Variants in CACNG2 observed in about 807,000 individuals in gnomAD.
CACNG2 encodes calcium voltage-gated channel auxiliary subunit gamma 2, also known as voltage-dependent calcium channel gamma-2 subunit.
Under a neutral mutation model 25.9 loss-of-function variants are expected in CACNG2, and 3 were observed. That is an observed-to-expected ratio of 0.12 (90% CI 0.05 to 0.30). The LOEUF (loss-of-function observed/expected upper bound fraction) is 0.30, where lower values mean the gene tolerates loss of function less well. CACNG2 is among the 10% of genes least tolerant of loss of function. CACNG2 has a pLI of 1.00. For missense variants in CACNG2, 341 were observed against 432.5 expected (o/e 0.79, Z 1.88); for synonymous variants, 167 against 173.3 (o/e 0.96, Z 0.29).
In CACNG2 at chr22:36,702,689, T is replaced by A; in HGVS notation, c.-113A>T. ...ATAAAAATAAAAATTATTCCACTAC[T>A]AATATAATGGATATATGTATGAATA... On this transcript the variant is annotated 5_prime_UTR_variant, in exon 1 of 4. Coordinates refer to ENST00000300105, the MANE Select transcript of CACNG2 (RefSeq NM_006078.5). 2.7e-6 allele frequency: 2 copies of A among 741,238 alleles called. No homozygotes were observed. Among genetic ancestry groups the A allele is most frequent in the Non-Finnish European group, 2.4e-6 (1 of 422,012 alleles). The allele number at this position is 741,238 out of a possible 1,614,324, so 45.9% of individuals were successfully genotyped here.
intron 1 of CACNG2, among the ~76,000 whole-genome samples, chr22:36,685,593 T>C (rs1010940256): frequency 1.3e-5 from 2 of 152,078 alleles, no homozygotes; most frequent in African/African-American, 4.8e-5. Context: ...CCGAGGCCCA[T>C]CGGGAAGCCC....
chr22:36,622,668 TA>T (rs1936123095), intron 1 of CACNG2, among the ~76,000 whole-genome samples: 1 of 152,076 alleles, frequency 6.6e-6, no homozygotes, highest in East Asian at 1.9e-4. Flanking sequence ...ACTTAAAACG[TA>T]AGACAAGGGC....
intron 1 of CACNG2, among the ~76,000 whole-genome samples, chr22:36,680,625 C>T (rs1349174631): frequency 1.8e-4 from 24 of 131,832 alleles, no homozygotes; most frequent in Admixed American, 4.6e-4. Flanking sequence ...ACCACCATCA[C>T]CACCACTAAC....
At chr22:36,593,006 T>C (rs973988337) in intron 1 of CACNG2, among the ~76,000 whole-genome samples, 1 of 152,164 alleles carries the variant, frequency 6.6e-6, no homozygotes, top group Admixed American at 6.5e-5. Context: ...GCCCCCATCC[T>C]TGGGGCGGGC....
At chr22:36,667,465 C>A (rs980326543) in intron 1 of CACNG2, among the ~76,000 whole-genome samples, 2 of 152,226 alleles carry the variant, frequency 1.3e-5, no homozygotes, top group Non-Finnish European at 2.9e-5. Flanking sequence ...GACCACCCCC[C>A]ACTCCAGGCC....
chr22:36,628,463 A>G (rs1196765700), intron 1 of CACNG2, among the ~76,000 whole-genome samples: 1 of 152,240 alleles, frequency 6.6e-6, no homozygotes, highest in African/African-American at 2.4e-5. Flanking sequence ...CGAGCAAGGG[A>G]AAGTTTCTCT....
rs1345229455 is a variant in CACNG2 at position 36,695,119 on chromosome 22, G to A, written c.211+7247C>T. ...TCTTCTCAGCTACTTCAAAGACTGGGGCGGGAGGATCACTCGAGCCCTCGA... is the reference window on the plus strand; with the variant it reads ...TCTTCTCAGCTACTTCAAAGACTGGAGCGGGAGGATCACTCGAGCCCTCGA... On this transcript the variant is annotated intron_variant, in intron 1 of 3. Coordinates refer to ENST00000300105, the MANE Select transcript of CACNG2 (RefSeq NM_006078.5). 2.0e-5 allele frequency among the ~76,000 whole-genome samples: 3 copies of A among 152,098 alleles called. No homozygotes were observed. In the East Asian group the frequency reaches 5.8e-4, roughly 29 times the overall value.
chr22:36,639,888 A>T (rs1398483523), intron 1 of CACNG2, among the ~76,000 whole-genome samples: 1 of 152,214 alleles, frequency 6.6e-6, no homozygotes, highest in East Asian at 1.9e-4. Flanking sequence ...TACCCTGGGC[A>T]GGAAGCCCCC....
chr22:36,574,794 AC>A (rs1935286930), intron 2 of CACNG2, among the ~76,000 whole-genome samples: 1 of 122,244 alleles, frequency 8.2e-6, no homozygotes, highest in African/African-American at 3.0e-5. Context: ...ACAAAACAAA[AC>A]AAAACCAAAA....
chr22:36,639,755 A>G (rs1224747074), intron 1 of CACNG2, among the ~76,000 whole-genome samples: 1 of 152,042 alleles, frequency 6.6e-6, no homozygotes, highest in East Asian at 1.9e-4. Flanking sequence ...TGACTGCTCA[A>G]CCCTTCTCTC....
intron 1 of CACNG2, among the ~76,000 whole-genome samples, chr22:36,700,015 C>T (rs1338508071): frequency 6.6e-6 from 1 of 152,244 alleles, no homozygotes; most frequent in Non-Finnish European, 1.5e-5. Flanking sequence ...GCCCTTCCTG[C>T]CCTGGCCATG....
At chr22:36,686,617 C>T (rs1011664146) in intron 1 of CACNG2, among the ~76,000 whole-genome samples, 3 of 152,210 alleles carry the variant, frequency 2.0e-5, no homozygotes, top group Non-Finnish European at 4.4e-5. Flanking sequence ...TGGAATGGCA[C>T]AGTGCCTTCC....
chr22:36,607,026 T>C (rs1005919539), intron 1 of CACNG2, among the ~76,000 whole-genome samples: 1 of 151,578 alleles, frequency 6.6e-6, no homozygotes, highest in African/African-American at 2.4e-5. Flanking sequence ...TGAGTGTATA[T>C]GTGTGAACTT....
rs770292909 is a variant in CACNG2 at position 36,606,150 on chromosome 22, C to G, written c.212-18602G>C. ...GTGGTTACTAGGTGTTGGTGTTGAG[C>G]TAGGTTCCACAGCAGAGAAGGGATC... On this transcript the variant is annotated intron_variant, in intron 1 of 3. Transcript: ENST00000300105. The surrounding 1 kb of genome is among the most constrained non-coding windows in gnomAD (Gnocchi z 5.7). Among the ~76,000 whole-genome samples, 1 of 152,202 alleles carries G rather than the reference C, an allele frequency of 6.6e-6. No homozygotes were observed. The highest frequency in any genetic ancestry group is 1.5e-5 in the Non-Finnish European group (1 of 68,042).
chr22:36,694,968 C>G (rs910317285), intron 1 of CACNG2, among the ~76,000 whole-genome samples: 1 of 152,168 alleles, frequency 6.6e-6, no homozygotes, highest in African/African-American at 2.4e-5. Context: ...GTACTCCCAG[C>G]ACTTTGGGAG....
intron 1 of CACNG2, among the ~76,000 whole-genome samples, chr22:36,679,197 C>CCTTCCTTCCTTCCTTT (rs1491420417): frequency 5.5e-4 from 30 of 54,810 alleles, no homozygotes; most frequent in African/African-American, 6.9e-4. Flanking sequence ...TTCCTTCCTT[C>CCTTCCTTCCTTCCTTT]CTTTCTTTCT....
chr22:36,633,707 T>C (rs1936310872), intron 1 of CACNG2, among the ~76,000 whole-genome samples: 2 of 152,240 alleles, frequency 1.3e-5, no homozygotes, highest in African/African-American at 4.8e-5. Context: ...ATAAAAGGCA[T>C]AGCATCTGAA....
intron 2 of CACNG2, among the ~76,000 whole-genome samples, chr22:36,586,214 G>A (rs1935500249): frequency 6.6e-6 from 1 of 152,230 alleles, no homozygotes; most frequent in Non-Finnish European, 1.5e-5. Context: ...CCCCAGCACG[G>A]AGCACAGGAT....
At chr22:36,574,124 C>T (rs1352712621) in intron 2 of CACNG2, among the ~76,000 whole-genome samples, 2 of 152,056 alleles carry the variant, frequency 1.3e-5, no homozygotes, top group Non-Finnish European at 2.9e-5. Flanking sequence ...TAGCTTTATC[C>T]CAAGAGCAAT....
Sources: gnomAD v4.1 joint callset for allele counts (sites outside exome capture counted in the v4.1 genomes callset) on GRCh38, gnomAD v4.1.1 for gene constraint, Gnocchi (gnomAD v3.1) non-coding constraint, MANE v1.5 for transcripts, NCBI Gene and HGNC (gene_info 2026-07-23, HGNC 2026-07-21) for gene names.